Variants in SULF2 observed in about 807,000 individuals in gnomAD.
SULF2 encodes the protein extracellular sulfatase Sulf-2.
Under a neutral mutation model 107.7 loss-of-function variants are expected in SULF2, and 52 were observed. The observed-to-expected ratio is 0.48, with a 90% CI of 0.39 to 0.61. SULF2 has a LOEUF of 0.61. Among genes scored for constraint, SULF2 ranks in the 20% least tolerant of loss-of-function variants. SULF2 has a pLI of 0.00. For synonymous variants in SULF2, 460 were observed against 464.3 expected (o/e 0.99, Z 0.12); for missense variants, 993 against 1,177.3 (o/e 0.84, Z 2.29).
intron 3 of SULF2, among the ~76,000 whole-genome samples, chr20:47,708,467 G>C (rs2088820450): frequency 6.6e-6 from 1 of 152,162 alleles, no homozygotes; most frequent in Non-Finnish European, 1.5e-5. Context: ...TACCGCTCCT[G>C]GAACATTGCA....
At chr20:47,757,555 C>T in intron 1 of SULF2, 92 bp from the exon 2 acceptor site, 1 of 643,646 alleles carries the variant, frequency 1.6e-6, no homozygotes, top group Admixed American at 3.1e-5. Flanking sequence ...CTGGCATGAA[C>T]AATGGGAGTT....
At chr20:47,765,340 C>T (rs1056995226) in intron 1 of SULF2, among the ~76,000 whole-genome samples, 1 of 146,158 alleles carries the variant, frequency 6.8e-6, no homozygotes, top group Non-Finnish European at 1.5e-5. Context: ...GGTGACAGAG[C>T]GACACTGCCT....
chr20:47,720,372 T>C (rs1322197741), intron 3 of SULF2, among the ~76,000 whole-genome samples: 1 of 151,846 alleles, frequency 6.6e-6, no homozygotes, highest in Admixed American at 6.6e-5. Context: ...TCTCCCACCT[T>C]AGCCTCCTGA....
chr20:47,688,604 C>T (rs1253573678), intron 5 of SULF2, among the ~76,000 whole-genome samples: 5 of 152,116 alleles, frequency 3.3e-5, no homozygotes, highest in South Asian at 2.1e-4. Flanking sequence ...TTCTAAGTGG[C>T]GGTAGGGCGG....
intron 3 of SULF2, 24 bp from the exon 4 acceptor site, chr20:47,702,694 G>A (rs531049706): frequency 6.2e-7 from 1 of 1,611,630 alleles, no homozygotes; most frequent in South Asian, 1.1e-5. Context: ...TGGATCAGGA[G>A]GCCACGTGAG....
intron 3 of SULF2, among the ~76,000 whole-genome samples, chr20:47,729,184 A>C (rs2089528391): frequency 6.6e-6 from 1 of 152,244 alleles, no homozygotes. Flanking sequence ...GAGTGGGTGC[A>C]TGTCAGGTGT....
intron 5 of SULF2, 57 bp downstream of exon 5, chr20:47,690,069 T>A (rs2088143149): frequency 7.4e-7 from 1 of 1,344,396 alleles, no homozygotes; most frequent in Non-Finnish European, 9.7e-7. Flanking sequence ...TGCTAAAGCC[T>A]GACCCTCCCC....
chr20:47,719,358 T>C (rs1327557580), intron 3 of SULF2, among the ~76,000 whole-genome samples: 1 of 152,144 alleles, frequency 6.6e-6, no homozygotes, highest in Non-Finnish European at 1.5e-5. Flanking sequence ...TTCTGGAAAC[T>C]CCCCTCCAGG....
chr20:47,664,089 G>T (rs1296121902), intron 15 of SULF2, 41 bp downstream of exon 15: 2 of 1,602,854 alleles, frequency 1.2e-6, no homozygotes, highest in African/African-American at 1.3e-5. Context: ...TCCTCATGCA[G>T]GCCTCTGCAT....
chr20:47,751,708 A>G (rs984173958), intron 2 of SULF2, among the ~76,000 whole-genome samples: 3 of 152,228 alleles, frequency 2.0e-5, no homozygotes, highest in African/African-American at 7.2e-5. Flanking sequence ...TATGAGTCCA[A>G]TAAAGTCCCC....
rs757146743 is a variant in SULF2, at chr20:47,665,963, A to G, written c.1806-10T>C. 1 of 1,613,470 alleles carries G rather than the reference A, an allele frequency of 6.2e-7. No homozygotes were observed. Among genetic ancestry groups the G allele is most frequent in the South Asian group, 1.1e-5 (1 of 91,080 alleles). On this transcript the variant is annotated splice_polypyrimidine_tract_variant and intron_variant, in intron 12 of 20. Coordinates refer to ENST00000688720, the MANE Select transcript of SULF2 (RefSeq NM_001387048.1). Reference sequence around the variant, plus strand: ...CTCTAGGATGTAGCACCTGCTTGAGAGAAGGGATCACGTGTGGCTCGGAGG... The same window carrying G: ...CTCTAGGATGTAGCACCTGCTTGAGGGAAGGGATCACGTGTGGCTCGGAGG...
At chr20:47,686,413 T>A (rs1379665230) in intron 5 of SULF2, 1 of 152,228 alleles carries the variant, frequency 6.6e-6, no homozygotes, top group East Asian at 1.9e-4. Context: ...GGTGCACCAT[T>A]GACAGGAGGC....
chr20:47,742,657 A>C (rs192618885), intron 2 of SULF2, among the ~76,000 whole-genome samples: 2 of 152,258 alleles, frequency 1.3e-5, no homozygotes, highest in African/African-American at 4.8e-5. Flanking sequence ...ATTTAACGTG[A>C]TTTAAGAAAA....
At chr20:47,732,842 C>T (rs2089645385) in intron 3 of SULF2, among the ~76,000 whole-genome samples, 1 of 151,924 alleles carries the variant, frequency 6.6e-6, no homozygotes, top group South Asian at 2.1e-4. Context: ...GACCCTGTCT[C>T]AAAAACAAAC....
chr20:47,773,937 G>A (rs1038428797), intron 1 of SULF2, among the ~76,000 whole-genome samples: 7 of 152,188 alleles, frequency 4.6e-5, no homozygotes, highest in South Asian at 2.1e-4. Flanking sequence ...GTATTTTGAC[G>A]GCTTGGTATT....
chr20:47,733,293 T>C (rs373642400), intron 3 of SULF2, among the ~76,000 whole-genome samples: 31 of 152,108 alleles, frequency 2.0e-4, no homozygotes, highest in African/African-American at 5.3e-4. Context: ...CTTGAAAAAA[T>C]TGATCAAATC....
chr20:47,746,999 A>G lies in SULF2; in HGVS notation c.176-10057T>C, dbSNP rs1009047644. On this transcript the variant is annotated intron_variant, in intron 2 of 20. Transcript: ENST00000688720. ...TAAATAAATAAAAAAAAAAAAATAT[A>G]TATATATATATATATATATACACAC... Among the ~76,000 whole-genome samples, 88 of 100,938 alleles carry G rather than the reference A, an allele frequency of 8.7e-4. 2 individuals carry two copies. The South Asian group carries it at 0.027, about 31-fold the overall frequency. 66.2% of individuals were successfully genotyped at this position (100,938 alleles called of 152,430 possible).
intron 2 of SULF2, among the ~76,000 whole-genome samples, chr20:47,749,442 C>A (rs1249160742): frequency 6.6e-6 from 1 of 152,254 alleles, no homozygotes; most frequent in Non-Finnish European, 1.5e-5. Context: ...CCTGAGATAA[C>A]CTGCATCCAC....
At chr20:47,756,480 T>C (rs11698932) in intron 2 of SULF2, among the ~76,000 whole-genome samples, 3,822 of 152,262 alleles carry the variant, frequency 0.025, 63 homozygotes, top group Middle Eastern at 0.054. Flanking sequence ...ATTCAGGTTG[T>C]CAAGGCTAAC....
Sources: gnomAD v4.1 joint callset for allele counts (sites outside exome capture counted in the v4.1 genomes callset) on GRCh38, gnomAD v4.1.1 for gene constraint, MANE v1.5 for transcripts, NCBI Gene and HGNC (gene_info 2026-07-23, HGNC 2026-07-21) for gene names.